Variants in MBD6 observed in about 807,000 individuals in gnomAD.
MBD6 encodes methyl-CpG binding domain protein 6, also known as methyl-CpG-binding domain protein 6.
Under a neutral mutation model 66.8 loss-of-function variants are expected in MBD6, and 22 were observed. The observed-to-expected ratio is 0.33, with a 90% CI of 0.24 to 0.47. The LOEUF is 0.47. Ranked by LOEUF, MBD6 falls within the 20% of genes least tolerant of loss-of-function variation. The pLI is 1.00. For missense variants in MBD6, 1,322 were observed against 1,286.9 expected (o/e 1.03, Z -0.42); for synonymous variants, 540 against 534.6 (o/e 1.01, Z -0.14).
Position 57,528,534 on chromosome 12 carries a change from C to A in MBD6, c.2794C>A (p.Pro932Thr), listed in dbSNP as rs1297151999. 1 of 1,611,704 alleles carries A rather than the reference C, an allele frequency of 6.2e-7. No homozygotes were observed. The highest frequency in any genetic ancestry group is 1.1e-5 in the South Asian group (1 of 90,850). ...GGAEPKDPPPPGPHSEDLKVP... is the reference protein window; with the variant it reads ...GGAEPKDPPPTGPHSEDLKVP... ...TGCTGAGCCCAAGGATCCACCCCCT[C>A]CCGGGCCCCATTCTGAGGACCTTAA... is the stretch of plus-strand genomic sequence containing the variant. The change falls in exon 10 of 13, where the codon CCC becomes ACC. Residue 932 changes from proline (P) to threonine (T), a missense_variant. Coordinates refer to ENST00000355673, the MANE Select transcript of MBD6 (RefSeq NM_052897.4).
chr12:57,530,655 G>C, downstream of MBD6: 5 of 1,542,364 alleles, frequency 3.2e-6, no homozygotes, highest in Non-Finnish European at 4.5e-6. Context: ...CACAGGGGTA[G>C]GGATAACCCC....
At position 57,526,626 on chromosome 12, in the gene MBD6, G is replaced by A; in HGVS notation, c.1481G>A (p.Ser494Asn). 4.0e-6 allele frequency: 6 copies of A among 1,513,408 alleles called. No homozygotes were observed. Among genetic ancestry groups the A allele is most frequent in the Non-Finnish European group, 5.3e-6 (6 of 1,131,818 alleles). 93.7% of individuals were successfully genotyped at this position (1,513,408 alleles called of 1,614,324 possible). Residue 494 changes from serine (S) to asparagine (N), a missense_variant, in exon 7 of 13, where the codon AGC becomes AAC. Ser to Asn is a conservative substitution (Grantham distance 46). Transcript: ENST00000355673. ...APVVPSPVLQ[S>N]PSEGLGMGAG... ...GTAGTCCCCAGCCCTGTGCTTCAAA[G>A]CCCATCCGAAGGACTGGGGATGGGG...
In MBD6 at chr12:57,528,683, C is replaced by T. The variant is rs1555172195; in HGVS notation, c.2838C>T (p.Val946=). The T allele has an allele frequency of 1.2e-6, 2 of 1,614,146 alleles. No individual in the cohort carries two copies. The highest frequency in any genetic ancestry group is 1.7e-6 in the Non-Finnish European group (2 of 1,180,028). ...TTTCTCAGGTGCCCCCGGGAGTAGT[C>T]AGAAAGTCTCGTCGTGGCCGTAGGA... is the stretch of plus-strand genomic sequence containing the variant. ...SEDLKVPPGV[V]RKSRRGRRRK... is the part of the protein sequence containing the mutation. The change falls in exon 11 of 13, where the codon GTC becomes GTT. Residue 946 remains valine, a synonymous_variant. Coordinates refer to ENST00000355673, the MANE Select transcript of MBD6 (RefSeq NM_052897.4).
rs763048923 is a variant in MBD6, at chr12:57,526,660, G to A, written c.1515G>A (p.Pro505=). 1.8e-5 allele frequency: 28 copies of A among 1,520,696 alleles called. No homozygotes were observed. The highest frequency in any genetic ancestry group is 6.6e-5 in the South Asian group (5 of 76,056). The allele number at this position is 1,520,696 out of a possible 1,614,324, so 94.2% of individuals were successfully genotyped here. Reference sequence around the variant, plus strand: ...AAGGACTGGGGATGGGGGCAGGCCCGGCCTGCCCTCTGCCTCCCCTGGCTG... The same window carrying A: ...AAGGACTGGGGATGGGGGCAGGCCCAGCCTGCCCTCTGCCTCCCCTGGCTG... ...PSEGLGMGAG[P]ACPLPPLAGG... is the part of the protein sequence containing the mutation. Residue 505 remains proline, a synonymous_variant, in exon 7 of 13, where the codon CCG becomes CCA. Transcript: ENST00000355673.
In MBD6 at chr12:57,527,931, G is replaced by A. The variant is rs749468776; in HGVS notation, c.2320G>A (p.Gly774Arg). ...TGGCCCTCTTCTCTCTGGCCAGTTG[G>A]GGCTGCAGCTCCTCCCTGGGGGGGG... ...PPGPLLSGQL[G>R]LQLLPGGGAP... is the part of the protein sequence containing the mutation. Residue 774 changes from glycine to arginine, a missense_variant, in exon 9 of 13, where the codon GGG becomes AGG. By Grantham distance (125) the Gly-to-Arg change is moderately radical. Transcript: ENST00000355673. 1.9e-6 allele frequency: 3 copies of A among 1,609,056 alleles called. No homozygotes were observed. The highest frequency in any genetic ancestry group is 1.3e-5 in the African/African-American group (1 of 74,630).
chr12:57,529,361 A>C lies in MBD6; in HGVS notation c.*127A>C. 7.6e-6 allele frequency: 6 copies of C among 793,542 alleles called. No homozygotes were observed. The highest frequency in any genetic ancestry group is 1.0e-5 in the Non-Finnish European group (5 of 498,494). 49.2% of individuals were successfully genotyped at this position (793,542 alleles called of 1,614,324 possible). Reference sequence around the variant, plus strand: ...GCACTACTCCCCACTCAGAGCACAAATGCAACTCCTTCCCCTACAATCCCA... The same window carrying C: ...GCACTACTCCCCACTCAGAGCACAACTGCAACTCCTTCCCCTACAATCCCA... On this transcript the variant is annotated 3_prime_UTR_variant, in exon 13 of 13. Transcript: ENST00000355673.
In MBD6 at chr12:57,529,213, G is replaced by T. The variant is rs779883464; in HGVS notation, c.2991G>T (p.Lys997Asn). 29 of 1,613,898 alleles carry T rather than the reference G, an allele frequency of 1.8e-5. No individual in the cohort carries two copies. Among genetic ancestry groups the T allele is most frequent in the Non-Finnish European group, 2.2e-5 (26 of 1,179,972 alleles). Residue 997 changes from lysine to asparagine, a missense_variant, in exon 13 of 13, where the codon AAG becomes AAT. Physicochemically the swap from Lys to Asn is moderately conservative, Grantham distance 94. Coordinates refer to ENST00000355673, the MANE Select transcript of MBD6 (RefSeq NM_052897.4). ...GCCCTGGCCGTCCTGCCAAAAACAA[G>T]AGGAGGAAACTGGCCCCATAGCAGC... is the stretch of plus-strand genomic sequence containing the variant. ...RARPGRPAKN[K>N]RRKLAP
rs1442272708 is a variant in MBD6, at chr12:57,529,824, C to T, written c.*590C>T. ...ATTTCAAGGTGTAGCCAGGTTCCCC[C>T]GACTTTCCTCTGGGATATAAAAAAG... On this transcript the variant is annotated 3_prime_UTR_variant, in exon 13 of 13. Transcript: ENST00000355673. The T allele has an allele frequency of 2.6e-5, 4 of 153,802 alleles. No individual in the cohort carries two copies. Among genetic ancestry groups the T allele is most frequent in the Non-Finnish European group, 5.8e-5 (4 of 68,942 alleles). The allele number at this position is 153,802 out of a possible 1,614,324, so 9.5% of individuals were successfully genotyped here.
rs752759250 is a variant in MBD6, at chr12:57,527,134, T to C, written c.1989T>C (p.Leu663=). 7.8e-6 allele frequency: 12 copies of C among 1,532,170 alleles called. No individual in the cohort carries two copies. Among genetic ancestry groups the C allele is most frequent in the Non-Finnish European group, 1.1e-5 (12 of 1,128,430 alleles). 94.9% of individuals were successfully genotyped at this position (1,532,170 alleles called of 1,614,324 possible). A position where few individuals can be genotyped will look rare whatever the true frequency, so the allele number is the denominator to read the frequency against. The change falls in exon 7 of 13, where the codon CTT becomes CTC. Residue 663 remains leucine (L), a synonymous_variant. Coordinates refer to ENST00000355673, the MANE Select transcript of MBD6 (RefSeq NM_052897.4). ...GCTTGGGAGACCTGTCCCCCCTACT[T>C]TTCCCCCCACTTTCAGCCCCCCCTA... ...FSGLGDLSPL[L]FPPLSAPPTL...
intron 3 of MBD6, 70 bp from the exon 4 acceptor site, chr12:57,524,650 C>T: frequency 4.3e-6 from 6 of 1,402,414 alleles, no homozygotes; most frequent in African/African-American, 1.4e-5. Context: ...AACTTAAGCA[C>T]TGTGCTTTAG....
chr12:57,525,910 G>A lies in MBD6; in HGVS notation c.942G>A (p.Gly314=). ...GGGCCCCCACGGTGGAGGGGCCTGG[G>A]GCACCCCCCTTCCTTGCTAGCAGCC... ...LGGAPTVEGP[G]APPFLASSLL... is the part of the protein sequence containing the mutation. Residue 314 remains glycine (G), a synonymous_variant, in exon 6 of 13, where the codon GGG becomes GGA. Coordinates refer to ENST00000355673, the MANE Select transcript of MBD6 (RefSeq NM_052897.4). The A allele has an allele frequency of 6.2e-7, 1 of 1,613,086 alleles. No homozygotes were observed. Among genetic ancestry groups the A allele is most frequent in the Non-Finnish European group, 8.5e-7 (1 of 1,179,444 alleles).
downstream of MBD6, chr12:57,530,631 C>A: frequency 7.0e-7 from 1 of 1,427,824 alleles, no homozygotes; most frequent in Non-Finnish European, 9.8e-7. Context: ...CCTATGTAAG[C>A]TGTTAACAGA....
At chr12:57,531,152 CAG>C (rs918759501), downstream of MBD6, among the ~76,000 whole-genome samples, 1 of 152,162 alleles carries the variant, frequency 6.6e-6, no homozygotes, top group Admixed American at 6.5e-5. Flanking sequence ...TCATTTATCT[CAG>C]TGATCCTGTG....
chr12:57,523,144 T>G (rs1019226500), intron 1 of MBD6, 133 bp downstream of exon 1: 1 of 147,664 alleles, frequency 6.8e-6, no homozygotes, highest in Non-Finnish European at 1.5e-5. Flanking sequence ...CCCCGCCGCT[T>G]CTCCCTCTCA....
upstream of MBD6, chr12:57,520,784 G>C (rs1296376311): frequency 1.2e-5 from 3 of 243,656 alleles, no homozygotes; most frequent in East Asian, 7.6e-5. Context: ...AGTGTAGCGG[G>C]GGGGGAGGGG....
chr12:57,524,336 C>G lies in MBD6; in HGVS notation c.33C>G (p.Asp11Glu), dbSNP rs528328928. The G allele has an allele frequency of 1.3e-6, 2 of 1,585,906 alleles. No homozygotes were observed. Among genetic ancestry groups the G allele is most frequent in the African/African-American group, 2.7e-5 (2 of 73,528 alleles). ...GGGGCAATGAGAGCAGTGGAGCAGA[C>G]AGAGCTGGGGGCCCTGTGGCCACAT... The part of the protein sequence containing the change: MNGGNESSGA[D>E]RAGGPVATSV... Residue 11 changes from aspartate to glutamate, a missense_variant, in exon 3 of 13, where the codon GAC (aspartate) becomes GAG (glutamate). Transcript: ENST00000355673.
chr12:57,524,682 C>T, intron 3 of MBD6, 38 bp from the exon 4 acceptor site: 1 of 1,589,816 alleles, frequency 6.3e-7, no homozygotes, highest in East Asian at 2.2e-5. Flanking sequence ...GATTCGCTGC[C>T]AGCTAACCCC....
At chr12:57,522,723 G>A (rs1878450211), upstream of MBD6, 1 of 155,628 alleles carries the variant, frequency 6.4e-6, no homozygotes, top group African/African-American at 2.4e-5. Context: ...GGCAGCGGCG[G>A]AGGCGGCGGC....
intron 5 of MBD6, 65 bp from the exon 6 acceptor site, chr12:57,525,283 G>T: frequency 6.6e-7 from 1 of 1,512,192 alleles, no homozygotes; most frequent in Admixed American, 2.2e-5. Context: ...GATGGGACTA[G>T]AGAAGACAAA....
Sources: gnomAD v4.1 joint callset for allele counts (sites outside exome capture counted in the v4.1 genomes callset) on GRCh38, gnomAD v4.1.1 for gene constraint, MANE v1.5 for transcripts, NCBI Gene and HGNC (gene_info 2026-07-23, HGNC 2026-07-21) for gene names.